The following GLS variants were observed in gnomAD, a reference collection of about 807,000 sequenced individuals.
GLS encodes the protein glutaminase kidney isoform, mitochondrial.
A neutral mutation model predicts 86.7 loss-of-function variants in GLS; 36 were observed. The ratio of observed to expected loss-of-function variants is 0.42; its 90% CI spans 0.32 to 0.55. The LOEUF (loss-of-function observed/expected upper bound fraction) is 0.55. GLS is among the 20% of genes least tolerant of loss of function. GLS has a pLI of 0.17. For missense variants in GLS, 528 were observed against 833.4 expected (o/e 0.63, Z 4.51); for synonymous variants, 317 against 305.9 (o/e 1.04, Z -0.38).
At position 190,955,886 on chromosome 2, in the gene GLS, A is replaced by AT. The variant is rs1360901290; in HGVS notation, c.1853+1075dup. Among the ~76,000 whole-genome samples the AT allele has an allele frequency of 1.3e-5, 2 of 151,966 alleles. No homozygotes were observed. The highest frequency in any genetic ancestry group is 2.9e-5 in the Non-Finnish European group (2 of 67,994). ...TTCTCTAATGACCAGTGATGATGAT[A>AT]TTTTTTTCACATGTTTGTTGGCTGC... On this transcript the variant is annotated intron_variant, in intron 17 of 17. Coordinates refer to ENST00000320717, the MANE Select transcript of GLS (RefSeq NM_014905.5). This position sits in a 1 kb window ranked among gnomAD's most constrained non-coding sequence, Gnocchi z 5.6.
intron 14 of GLS, among the ~76,000 whole-genome samples, chr2:190,944,134 A>G (rs1690520249): frequency 6.6e-6 from 1 of 151,418 alleles, no homozygotes; most frequent in Non-Finnish European, 1.5e-5. Flanking sequence ...GTTTGTATTT[A>G]TTTATTTTTA....
chr2:190,928,032 G>A (rs768908213), intron 12 of GLS, among the ~76,000 whole-genome samples: 1 of 151,760 alleles, frequency 6.6e-6, no homozygotes, highest in Non-Finnish European at 1.5e-5. Context: ...TTTCAAACAT[G>A]TAAAACGAGA....
At position 190,913,179 on chromosome 2, in the gene GLS, T is replaced by C. The variant is rs777525766; in HGVS notation, c.1038+2858T>C. The C allele has an allele frequency of 7.7e-7, 1 of 1,297,440 alleles. No individual in the cohort carries two copies. Among genetic ancestry groups the C allele is most frequent in the South Asian group, 1.2e-5 (1 of 80,884 alleles). 80.4% of individuals were successfully genotyped at this position (1,297,440 alleles called of 1,614,324 possible). ...ATTTCATAATTTTGTAGTATTGATATTTTTTCCTTGTAGGATTGGTGGTGA... is the reference window on the plus strand; with the variant it reads ...ATTTCATAATTTTGTAGTATTGATACTTTTTCCTTGTAGGATTGGTGGTGA... On this transcript the variant is annotated intron_variant, in intron 7 of 17. Transcript: ENST00000320717. The surrounding 1 kb of genome is among the most constrained non-coding windows in gnomAD (Gnocchi z 6.1).
chr2:190,926,942 C>T (rs1277346453), intron 11 of GLS: 1 of 161,138 alleles, frequency 6.2e-6, no homozygotes, highest in Non-Finnish European at 1.4e-5. Context: ...TATTTCATGG[C>T]TCTTTTTTTT....
Position 190,949,960 on chromosome 2 carries a change from C to A in GLS, c.1651-3605C>A. Among the ~76,000 whole-genome samples the A allele has an allele frequency of 1.4e-5, 2 of 146,968 alleles. No homozygotes were observed. The highest frequency in any genetic ancestry group is 2.5e-5 in the African/African-American group (1 of 39,852). On this transcript the variant is annotated intron_variant, in intron 14 of 17. Transcript: ENST00000320717. The surrounding 1 kb of genome is among the most constrained non-coding windows in gnomAD (Gnocchi z 4.0). Reference sequence around the variant, plus strand: ...ATACTTTATATATAGTTATATATAACAAATATAGTTAAAAAGGATATAGTT... The same window carrying A: ...ATACTTTATATATAGTTATATATAAAAAATATAGTTAAAAAGGATATAGTT...
intron 17 of GLS, among the ~76,000 whole-genome samples, chr2:190,960,072 A>C (rs1359002457): frequency 6.6e-6 from 1 of 151,006 alleles, no homozygotes; most frequent in African/African-American, 2.5e-5. Flanking sequence ...TTCATCCTGC[A>C]ACAAATGATG....
chr2:190,930,986 T>TA lies in GLS; in HGVS notation c.1557+425dup, dbSNP rs996289122. On this transcript the variant is annotated intron_variant, in intron 13 of 17. Transcript: ENST00000320717. This position sits in a 1 kb window ranked among gnomAD's most constrained non-coding sequence, Gnocchi z 5.0. ...TTTTGAGGAAATAAGCACTGAAAAT[T>TA]AAAAAAAGATTAAACCATTTTTAAA... Among the ~76,000 whole-genome samples the TA allele has an allele frequency of 2.6e-5, 4 of 152,112 alleles. No individual in the cohort carries two copies. Among genetic ancestry groups the TA allele is most frequent in the African/African-American group, 7.2e-5 (3 of 41,444 alleles).
chr2:190,883,926 A>C (rs899195413), intron 1 of GLS, among the ~76,000 whole-genome samples: 2 of 152,118 alleles, frequency 1.3e-5, no homozygotes, highest in African/African-American at 2.4e-5. Context: ...TTTTTTCACA[A>C]ACTCTTTGAA....
At chr2:190,932,122 C>T (rs1029659666) in intron 14 of GLS, among the ~76,000 whole-genome samples, 8 of 151,948 alleles carry the variant, frequency 5.3e-5, no homozygotes, top group Non-Finnish European at 1.2e-4. Context: ...TATGAAGCCT[C>T]AAAAGTTTTA....
At chr2:190,933,001 C>G in intron 14 of GLS, 1 of 1,188,064 alleles carries the variant, frequency 8.4e-7, no homozygotes, top group Non-Finnish European at 1.0e-6. Context: ...GCTTTTTTTT[C>G]CTTTTAATCT....
intron 1 of GLS, chr2:190,881,914 T>C (rs2125968908): frequency 6.4e-6 from 1 of 155,266 alleles, no homozygotes; most frequent in East Asian, 1.9e-4. Flanking sequence ...AGCCTTTACC[T>C]TCCTGACTTG....
intron 14 of GLS, chr2:190,933,818 A>G (rs1690185970): frequency 3.0e-6 from 2 of 661,650 alleles, no homozygotes; most frequent in Non-Finnish European, 3.7e-6. Flanking sequence ...GCATCTCATA[A>G]AGTTTGTTCT....
Position 190,921,055 on chromosome 2 carries a change from A to G in GLS, c.1070A>G (p.Tyr357Cys). The G allele has an allele frequency of 1.3e-6, 2 of 1,583,790 alleles. No individual in the cohort carries two copies. The highest frequency in any genetic ancestry group is 1.7e-6 in the Non-Finnish European group (2 of 1,153,296). ...GTAAATAATGCTGAAAAATTTGACT[A>G]TGTAAGTGCAACATGTCATTCAGTT... ...QGVNNAEKFDYVMQFLNKMAG... is the reference protein window; with the variant it reads ...QGVNNAEKFDCVMQFLNKMAG... Residue 357 changes from tyrosine to cysteine, a missense_variant and splice_region_variant, in exon 8 of 18, where the codon TAT (tyrosine) becomes TGT (cysteine). Coordinates refer to ENST00000320717, the MANE Select transcript of GLS (RefSeq NM_014905.5). This position sits in a 1 kb window ranked among gnomAD's most constrained non-coding sequence, Gnocchi z 4.2.
chr2:190,939,580 A>C (rs948869309), intron 14 of GLS, among the ~76,000 whole-genome samples: 2 of 151,776 alleles, frequency 1.3e-5, no homozygotes, highest in Admixed American at 1.3e-4. Context: ...CAATTATGAT[A>C]ATCAGTCTCT....
chr2:190,927,025 A>T (rs1689917463), intron 11 of GLS: 1 of 270,630 alleles, frequency 3.7e-6, no homozygotes, highest in East Asian at 7.4e-5. Context: ...TTTGAATATC[A>T]CATGGGATAA....
At chr2:190,903,013 A>C (rs561230354) in intron 5 of GLS, among the ~76,000 whole-genome samples, 1 of 152,328 alleles carries the variant, frequency 6.6e-6, no homozygotes, top group East Asian at 1.9e-4. Flanking sequence ...TTTACTTTTC[A>C]AGATAATGTT....
chr2:190,883,097 T>C (rs949638775), intron 1 of GLS, among the ~76,000 whole-genome samples: 18 of 152,148 alleles, frequency 1.2e-4, no homozygotes, highest in African/African-American at 4.1e-4. Flanking sequence ...GTGCCTCTCT[T>C]TTTTTTCCTC....
At chr2:190,957,351 C>G (rs1189572183) in intron 17 of GLS, among the ~76,000 whole-genome samples, 1 of 152,220 alleles carries the variant, frequency 6.6e-6, no homozygotes, top group African/African-American at 2.4e-5. Flanking sequence ...CTTGGCCTCC[C>G]AAAGTGCTGG....
Position 190,935,133 on chromosome 2 carries a change from C to A in GLS, c.1650+3496C>A. 1 of 939,622 alleles carries A rather than the reference C, an allele frequency of 1.1e-6. No homozygotes were observed. The highest frequency in any genetic ancestry group is 1.3e-6 in the Non-Finnish European group (1 of 788,626). 58.2% of individuals were successfully genotyped at this position (939,622 alleles called of 1,614,324 possible). On this transcript the variant is annotated intron_variant, in intron 14 of 17. Transcript: ENST00000320717. This position sits in a 1 kb window ranked among gnomAD's most constrained non-coding sequence, Gnocchi z 4.2. ...TGAAATGCATATTGTTCTTGAAGTA[C>A]TTTGTTTTTAGCATAAATGTTGTGC... is the stretch of plus-strand genomic sequence containing the variant.
Sources: gnomAD v4.1 joint callset for allele counts (sites outside exome capture counted in the v4.1 genomes callset) on GRCh38, gnomAD v4.1.1 for gene constraint, Gnocchi (gnomAD v3.1) non-coding constraint, MANE v1.5 for transcripts, NCBI Gene and HGNC (gene_info 2026-07-23, HGNC 2026-07-21) for gene names.